The following ACSL3 variants were observed in gnomAD, a reference collection of about 807,000 sequenced individuals.
ACSL3 encodes fatty acid CoA ligase Acsl3.
In ACSL3, 34 loss-of-function variants were observed where a neutral mutation model predicts 84.7. The ratio of observed to expected loss-of-function variants is 0.40; its 90% confidence interval spans 0.31 to 0.53. The LOEUF is 0.53. ACSL3 is among the 20% of genes least tolerant of loss of function. ACSL3 has a pLI of 0.48. For missense variants in ACSL3, 680 were observed against 873.1 expected (o/e 0.78, Z 2.79); for synonymous variants, 315 against 299.4 (o/e 1.05, Z -0.54).
At chr2:222,931,412 TA>T (rs375709943) in intron 14 of ACSL3, among the ~76,000 whole-genome samples, 5,260 of 140,450 alleles carry the variant, frequency 0.037, 120 homozygotes, top group Admixed American at 0.054. Flanking sequence ...AGACTCTGTC[TA>T]AAAAAAAAAA....
Position 222,908,967 on chromosome 2 carries a change from TTCTGCATACAGA to T in ACSL3, c.200_211del (p.Ala67_Ser70del). On this transcript the variant is annotated inframe_deletion, in exon 4 of 17. Coordinates refer to ENST00000357430, the MANE Select transcript of ACSL3 (RefSeq NM_004457.5). ...CAAAGCCTGTAAATTCAAAACCTGA[TTCTGCATACAGA>T]TCTGTTAATAGTTTGGATGGTTTGG... 6.2e-7 allele frequency: 1 copy of T among 1,613,662 alleles called. No homozygotes were observed. The highest frequency in any genetic ancestry group is 8.5e-7 in the Non-Finnish European group (1 of 1,179,794).
chr2:222,888,969 G>A (rs539079679), intron 2 of ACSL3, among the ~76,000 whole-genome samples: 2 of 152,214 alleles, frequency 1.3e-5, no homozygotes, highest in African/African-American at 4.8e-5. Flanking sequence ...TAAACCCATT[G>A]TAACACAGTA....
intron 2 of ACSL3, among the ~76,000 whole-genome samples, chr2:222,899,595 A>G (rs1696084137): frequency 6.6e-6 from 1 of 152,202 alleles, no homozygotes; most frequent in Admixed American, 6.5e-5. Flanking sequence ...GGGCGAGTCC[A>G]TAGTGCAAAA....
At chr2:222,933,655 T>TGA in intron 15 of ACSL3, 3 of 160,772 alleles carry the variant, frequency 1.9e-5, no homozygotes, top group Admixed American at 6.3e-5. Context: ...TGCTGCTTAC[T>TGA]TACTCCTGCT....
chr2:222,913,173 A>T (rs989894756), intron 4 of ACSL3, among the ~76,000 whole-genome samples: 6 of 152,216 alleles, frequency 3.9e-5, no homozygotes, highest in African/African-American at 1.4e-4. Context: ...CTTAGAGAAG[A>T]CTTCACTATG....
intron 2 of ACSL3, among the ~76,000 whole-genome samples, chr2:222,899,463 A>C (rs557884956): frequency 6.6e-6 from 1 of 152,080 alleles, no homozygotes; most frequent in African/African-American, 2.4e-5. Flanking sequence ...AACGGACGGG[A>C]CTCTCTCTCA....
At chr2:222,925,567 A>G (rs61264657) in intron 11 of ACSL3, among the ~76,000 whole-genome samples, 4,972 of 152,070 alleles carry the variant, frequency 0.033, 275 homozygotes, top group African/African-American at 0.11. Context: ...ACCACTGCAC[A>G]CCACCCTGGG....
At chr2:222,909,760 A>C (rs754588309) in intron 4 of ACSL3, 1 of 152,324 alleles carries the variant, frequency 6.6e-6, no homozygotes, top group Non-Finnish European at 1.5e-5. Context: ...AATTCGCCTC[A>C]GTTTCTTTTT....
At chr2:222,878,359 A>G (rs1265528852) in intron 1 of ACSL3, among the ~76,000 whole-genome samples, 1 of 152,172 alleles carries the variant, frequency 6.6e-6, no homozygotes, top group Non-Finnish European at 1.5e-5. Context: ...AAATTATGTG[A>G]TTGTGAAGGC....
chr2:222,864,128 A>G (rs140888398), intron 1 of ACSL3, among the ~76,000 whole-genome samples: 57 of 152,350 alleles, frequency 3.7e-4, no homozygotes, highest in African/African-American at 1.3e-3. Flanking sequence ...AGTGATTACT[A>G]GGTTTCAGAC....
rs1212136724 is a variant in ACSL3 at position 222,941,675 on chromosome 2, T to G, written c.*21T>G. ...AATAATTATTCTCTTCTGGCATCAGTTTGCTACAGTGAGCTCAGATCAAAT... is the reference window on the plus strand; with the variant it reads ...AATAATTATTCTCTTCTGGCATCAGGTTGCTACAGTGAGCTCAGATCAAAT... On this transcript the variant is annotated 3_prime_UTR_variant, in exon 17 of 17. Coordinates refer to ENST00000357430, the MANE Select transcript of ACSL3 (RefSeq NM_004457.5). The G allele has an allele frequency of 4.4e-6, 7 of 1,605,744 alleles. No individual in the cohort carries two copies. In the Middle Eastern group the frequency reaches 5.0e-4, roughly 114 times the overall value.
chr2:222,881,502 A>T (rs1031606073), intron 1 of ACSL3, among the ~76,000 whole-genome samples: 2 of 152,232 alleles, frequency 1.3e-5, no homozygotes, highest in Non-Finnish European at 2.9e-5. Flanking sequence ...TTTAAAACTT[A>T]GTAATTGATA....
intron 10 of ACSL3, 31 bp downstream of exon 10, chr2:222,923,180 A>G (rs1364483442): frequency 2.6e-6 from 4 of 1,555,636 alleles, no homozygotes; most frequent in African/African-American, 1.4e-5. Flanking sequence ...AATATTGAGT[A>G]TTAAAGAAGT....
chr2:222,933,888 G>T (rs953314430), intron 15 of ACSL3, among the ~76,000 whole-genome samples: 3 of 152,188 alleles, frequency 2.0e-5, no homozygotes, highest in African/African-American at 7.2e-5. Context: ...AGTTAGAAAT[G>T]AATTGCATTT....
intron 13 of ACSL3, 127 bp downstream of exon 13, chr2:222,929,063 T>C: frequency 1.5e-6 from 1 of 666,668 alleles, no homozygotes; most frequent in Admixed American, 3.0e-5. Context: ...GTGATAGACG[T>C]GTTTTATCTC....
intron 14 of ACSL3, 79 bp from the exon 15 acceptor site, chr2:222,933,087 C>T: frequency 1.3e-6 from 1 of 753,832 alleles, no homozygotes; most frequent in South Asian, 2.3e-5. Context: ...TAGAGAATGG[C>T]CAGTATTTAT....
chr2:222,911,397 C>G (rs4674723), intron 4 of ACSL3, among the ~76,000 whole-genome samples: 124,744 of 152,196 alleles, frequency 0.82, 51,352 homozygotes, highest in East Asian at 0.97. Flanking sequence ...TTTGAGAAAT[C>G]GGGTAGTTAT....
At chr2:222,902,516 T>C (rs967733056) in intron 3 of ACSL3, among the ~76,000 whole-genome samples, 6 of 152,252 alleles carry the variant, frequency 3.9e-5, no homozygotes, top group African/African-American at 1.4e-4. Flanking sequence ...ACCTTAGATC[T>C]TGTTTGTACA....
At chr2:222,881,039 G>A (rs1388314552) in intron 1 of ACSL3, among the ~76,000 whole-genome samples, 2 of 151,896 alleles carry the variant, frequency 1.3e-5, no homozygotes, top group African/African-American at 4.8e-5. Flanking sequence ...ATTGGCTAAA[G>A]TGCAGTGCTG....
Sources: gnomAD v4.1 joint callset for allele counts (sites outside exome capture counted in the v4.1 genomes callset) on GRCh38, gnomAD v4.1.1 for gene constraint, MANE v1.5 for transcripts, NCBI Gene and HGNC (gene_info 2026-07-23, HGNC 2026-07-21) for gene names.